The following UNC5C variants were observed in gnomAD, a reference collection of about 807,000 sequenced individuals.
UNC5C encodes netrin receptor UNC5C.
UNC5C carries 47 observed loss-of-function variants against 99.8 expected under a neutral mutation model. The ratio of observed to expected loss-of-function variants is 0.47; its 90% CI spans 0.37 to 0.60. UNC5C has a LOEUF of 0.60. Among genes scored for constraint, UNC5C ranks in the 20% least tolerant of loss-of-function variants. The pLI, the probability that UNC5C is intolerant of heterozygous loss-of-function variation, is 0.00. For missense variants in UNC5C, 1,062 were observed against 1,165.9 expected (o/e 0.91, Z 1.30); for synonymous variants, 487 against 452.2 (o/e 1.08, Z -0.98).
chr4:95,521,210 C>CTTTTTTTTTTTTTTT (rs1722347623), intron 1 of UNC5C, among the ~76,000 whole-genome samples: 1 of 84,352 alleles, frequency 1.2e-5, no homozygotes, highest in African/African-American at 5.2e-5. Context: ...TTTTTTTTTT[C>CTTTTTTTTTTTTTTT]TTTTTTCTTT....
At chr4:95,410,364 G>T (rs1238104450) in intron 1 of UNC5C, among the ~76,000 whole-genome samples, 2 of 152,082 alleles carry the variant, frequency 1.3e-5, no homozygotes, top group African/African-American at 4.8e-5. Flanking sequence ...AAAGACAAAT[G>T]GATTTCACCC....
At chr4:95,327,902 T>A (rs1300781510) in intron 2 of UNC5C, among the ~76,000 whole-genome samples, 2 of 151,952 alleles carry the variant, frequency 1.3e-5, no homozygotes, top group African/African-American at 4.8e-5. Context: ...ACACACTGGG[T>A]GCAGGAACCC....
intron 1 of UNC5C, among the ~76,000 whole-genome samples, chr4:95,392,973 TC>T (rs1745405375): frequency 6.6e-6 from 1 of 152,026 alleles, no homozygotes. Context: ...CATCTCACAT[TC>T]CCCCAGGGAA....
intron 1 of UNC5C, among the ~76,000 whole-genome samples, chr4:95,475,197 G>A (rs1431922764): frequency 6.6e-6 from 1 of 151,972 alleles, no homozygotes; most frequent in African/African-American, 2.4e-5. Flanking sequence ...ATTAAGGGGT[G>A]TCTTTATACT....
chr4:95,185,279 C>T, intron 12 of UNC5C, 83 bp from the exon 13 acceptor site: 1 of 1,492,580 alleles, frequency 6.7e-7, no homozygotes, highest in Non-Finnish European at 9.0e-7. Flanking sequence ...AGTTTCTTTA[C>T]TGCCTCCTGA....
chr4:95,280,733 CAG>C (rs565047997), intron 3 of UNC5C, among the ~76,000 whole-genome samples: 46 of 146,694 alleles, frequency 3.1e-4, no homozygotes, highest in African/African-American at 1.1e-3. Context: ...TTGGAATCCA[CAG>C]AGTTATCATA....
intron 2 of UNC5C, among the ~76,000 whole-genome samples, chr4:95,322,214 A>G (rs1046111440): frequency 1.3e-5 from 2 of 152,250 alleles, no homozygotes; most frequent in Admixed American, 1.3e-4. Context: ...AACTGAATTT[A>G]AAATGATTAC....
chr4:95,502,586 A>T (rs1372382391), intron 1 of UNC5C, among the ~76,000 whole-genome samples: 1 of 152,132 alleles, frequency 6.6e-6, no homozygotes, highest in Non-Finnish European at 1.5e-5. Context: ...ACTTATATGG[A>T]CAAACATTTT....
At chr4:95,283,043 A>G (rs1741117194) in intron 3 of UNC5C, among the ~76,000 whole-genome samples, 1 of 152,152 alleles carries the variant, frequency 6.6e-6, no homozygotes, top group African/African-American at 2.4e-5. Context: ...ATTGTTTTCT[A>G]AGTCCCAATG....
At chr4:95,276,599 G>A (rs1217050069) in intron 4 of UNC5C, among the ~76,000 whole-genome samples, 1 of 152,172 alleles carries the variant, frequency 6.6e-6, no homozygotes, top group South Asian at 2.1e-4. Flanking sequence ...TGGGTTTTAA[G>A]GTGGTTTCAT....
chr4:95,489,705 G>C (rs1451045235), intron 1 of UNC5C, among the ~76,000 whole-genome samples: 3 of 151,726 alleles, frequency 2.0e-5, no homozygotes, highest in Non-Finnish European at 4.4e-5. Context: ...ATCAGTCTCA[G>C]GACATGTTGA....
chr4:95,489,728 A>G (rs1721428641), intron 1 of UNC5C, among the ~76,000 whole-genome samples: 1 of 151,704 alleles, frequency 6.6e-6, no homozygotes, highest in Admixed American at 6.6e-5. Context: ...ACTGGAGTAC[A>G]CAGTGAGAAG....
intron 1 of UNC5C, among the ~76,000 whole-genome samples, chr4:95,539,222 C>A (rs572978930): frequency 6.6e-6 from 1 of 152,314 alleles, no homozygotes; most frequent in East Asian, 1.9e-4. Context: ...AGTCGACAGT[C>A]TCCTTTGGTC....
Position 95,308,477 on chromosome 4 carries a change from G to T in UNC5C, c.347-6728C>A, listed in dbSNP as rs562044048. On this transcript the variant is annotated intron_variant, in intron 2 of 15. Coordinates refer to ENST00000453304, the MANE Select transcript of UNC5C (RefSeq NM_003728.4). ...AAGAAAAACATTAATGGAAGGCCAG[G>T]TGCGGTGGCTCACGCCTGTAATCCC... 1.7e-4 allele frequency among the ~76,000 whole-genome samples: 26 copies of T among 152,138 alleles called. No individual in the cohort carries two copies. The South Asian group carries it at 4.8e-3, about 28-fold the overall frequency.
intron 1 of UNC5C, among the ~76,000 whole-genome samples, chr4:95,540,142 A>G (rs942005683): frequency 6.6e-6 from 1 of 152,146 alleles, no homozygotes; most frequent in Non-Finnish European, 1.5e-5. Flanking sequence ...AAACAAGCAC[A>G]TCCTGCCCAA....
intron 1 of UNC5C, among the ~76,000 whole-genome samples, chr4:95,435,774 T>C (rs1249979235): frequency 1.3e-5 from 2 of 152,102 alleles, no homozygotes; most frequent in Non-Finnish European, 2.9e-5. Context: ...CTTAGGTCTC[T>C]TTCAAGGTGA....
rs560083547 is a variant in UNC5C, at chr4:95,192,753, CCTTGCCCTGCATAACAA to C, written c.2137-7574_2137-7558del. On this transcript the variant is annotated intron_variant, in intron 12 of 15. Transcript: ENST00000453304. ...TCTGCTCACCTCTTCCTCTGCTCACCCTTGCCCTGCATAACAACTTGCCCCTCTCTCACTCCAGTGCC... is the reference window on the plus strand; with the variant it reads ...TCTGCTCACCTCTTCCTCTGCTCACCCTTGCCCCTCTCTCACTCCAGTGCC... Among the ~76,000 whole-genome samples the C allele has an allele frequency of 2.2e-3, 341 of 152,166 alleles. 1 individual carries two copies. The highest frequency in any genetic ancestry group is 3.8e-3 in the Non-Finnish European group (257 of 68,004).
intron 10 of UNC5C, 28 bp downstream of exon 10, chr4:95,216,096 G>T (rs767426352): frequency 6.3e-7 from 1 of 1,583,538 alleles, no homozygotes; most frequent in South Asian, 1.1e-5. Context: ...CATTGGTAAA[G>T]TCAGTGCACC....
chr4:95,413,071 T>C (rs571151151), intron 1 of UNC5C, among the ~76,000 whole-genome samples: 16 of 152,312 alleles, frequency 1.1e-4, no homozygotes, highest in African/African-American at 3.6e-4. Flanking sequence ...ATGAATCCCA[T>C]GTGACCCTCT....
Sources: gnomAD v4.1 joint callset for allele counts (sites outside exome capture counted in the v4.1 genomes callset) on GRCh38, gnomAD v4.1.1 for gene constraint, MANE v1.5 for transcripts, NCBI Gene and HGNC (gene_info 2026-07-23, HGNC 2026-07-21) for gene names.